Variants in CEBPA observed in about 807,000 individuals in gnomAD.
The protein encoded by CEBPA is CCAAT/enhancer-binding protein alpha.
CEBPA carries 2 observed loss-of-function variants against 5.1 expected under a neutral mutation model. The observed-to-expected ratio is 0.39, with a 90% CI of 0.16 to 1.23. The LOEUF (loss-of-function observed/expected upper bound fraction) is 1.23, where lower values mean the gene tolerates loss of function less well. Ranked by LOEUF, CEBPA falls within the 50% of genes most tolerant of loss-of-function variation. The pLI, the probability that CEBPA is intolerant of heterozygous loss-of-function variation, is 0.34. For synonymous variants in CEBPA, 275 were observed against 264.1 expected (o/e 1.04, Z -0.40); for missense variants, 455 against 537.4 (o/e 0.85, Z 1.52).
In CEBPA at chr19:33,301,584, C is replaced by A. The variant is rs764419883; in HGVS notation, c.831G>T (p.Ser277=). 1.2e-6 allele frequency: 2 copies of A among 1,610,536 alleles called. No homozygotes were observed. The highest frequency in any genetic ancestry group is 1.7e-5 in the Admixed American group (1 of 59,844). ...GGTACTCGTTGCTGTTCTTGTCCAC[C>A]GACTTCTTGGCCTTGCCCGCGCCGC... ...GGSGAGKAKK[S]VDKNSNEYRV... Residue 277 remains serine (S), a synonymous_variant, in exon 1 of 1, where the codon TCG becomes TCT. Coordinates refer to ENST00000498907, the MANE Select transcript of CEBPA (RefSeq NM_004364.5). This position sits in a 1 kb window ranked among gnomAD's most constrained non-coding sequence, Gnocchi z 6.0.
At position 33,301,533 on chromosome 19, in the gene CEBPA, G is replaced by A. The variant is rs376093748; in HGVS notation, c.882C>T (p.Ile294=). 37 of 1,613,334 alleles carry A rather than the reference G, an allele frequency of 2.3e-5. No homozygotes were observed. Among genetic ancestry groups the A allele is most frequent in the Non-Finnish European group, 2.8e-5 (33 of 1,179,852 alleles). The change falls in exon 1 of 1, where the codon ATC becomes ATT. Residue 294 remains isoleucine, a synonymous_variant. Coordinates refer to ENST00000498907, the MANE Select transcript of CEBPA (RefSeq NM_004364.5). The surrounding 1 kb of genome is among the most constrained non-coding windows in gnomAD (Gnocchi z 6.0). ...EYRVRRERNN[I]AVRKSRDKAK... is the part of the protein sequence containing the mutation. The stretch of plus-strand genomic sequence containing the variant: ...CCTTGTCGCGGCTCTTGCGCACCGC[G>A]ATGTTGTTGCGCTCGCGCCGCACCC...
In CEBPA at chr19:33,301,445, G is replaced by A. The variant is rs2145258597; in HGVS notation, c.970C>T (p.Leu324=). ...CTCAGCTGTTCCACCCGCTTGCGCA[G>A]GCGGTCATTGTCACTGGTCAGCTCC... ...VLELTSDNDR[L]RKRVEQLSRE... is the part of the protein sequence containing the mutation. Residue 324 remains leucine, a synonymous_variant, in exon 1 of 1, where the codon CTG becomes TTG. Coordinates refer to ENST00000498907, the MANE Select transcript of CEBPA (RefSeq NM_004364.5). The surrounding 1 kb of genome is among the most constrained non-coding windows in gnomAD (Gnocchi z 6.0). The A allele has an allele frequency of 1.9e-6, 3 of 1,612,896 alleles. No individual in the cohort carries two copies. Among genetic ancestry groups the A allele is most frequent in the African/African-American group, 2.7e-5 (2 of 75,064 alleles).
Position 33,301,821 on chromosome 19 carries a change from G to GGGCGGC in CEBPA, c.588_593dup (p.Pro197_Pro198dup). 1 of 1,239,382 alleles carries GGGCGGC rather than the reference G, an allele frequency of 8.1e-7. No individual in the cohort carries two copies. Among genetic ancestry groups the GGGCGGC allele is most frequent in the Non-Finnish European group, 1.0e-6 (1 of 988,948 alleles). The allele number at this position is 1,239,382 out of a possible 1,614,324, so 76.8% of individuals were successfully genotyped here. Reference sequence around the variant, plus strand: ...GCAGGTGCGGGGCGGCCAGGTGCGCGGGCGGCGGGTGCGGGTGCGGGTGCG... The same window carrying GGGCGGC: ...GCAGGTGCGGGGCGGCCAGGTGCGCGGGCGGCGGCGGCGGGTGCGGGTGCGGGTGCG... On this transcript the variant is annotated inframe_insertion, in exon 1 of 1. Transcript: ENST00000498907. This position sits in a 1 kb window ranked among gnomAD's most constrained non-coding sequence, Gnocchi z 6.0.
chr19:33,300,260 TCA>T lies in CEBPA; in HGVS notation c.*1076_*1077del, dbSNP rs1967119937. The T allele has an allele frequency of 2.1e-5, 5 of 233,652 alleles. No individual in the cohort carries two copies. Among genetic ancestry groups the T allele is most frequent in the Middle Eastern group, 1.2e-3 (1 of 808 alleles). The allele number at this position is 233,652 out of a possible 1,614,324, so 14.5% of individuals were successfully genotyped here. On this transcript the variant is annotated 3_prime_UTR_variant, in exon 1 of 1. Coordinates refer to ENST00000498907, the MANE Select transcript of CEBPA (RefSeq NM_004364.5). ...TTCCCCCAGCTGCCGACGGAGAGTC[TCA>T]TTTTGGCAAGTATCCGAGCAAAACC...
Position 33,301,661 on chromosome 19 carries a change from C to A in CEBPA, c.754G>T (p.Ala252Ser), listed in dbSNP as rs1049967. ...TGCGCGGCGCCCAGCCCCTTGAGCG[C>A]GCTGCCAGGGCCCGGCAGGCCGGCG... ...GAAGLPGPGS[A>S]LKGLGAAHPD... is the part of the protein sequence containing the mutation. The change falls in exon 1 of 1, where the codon GCG (alanine) becomes TCG (serine). Residue 252 changes from alanine (A) to serine (S), a missense_variant. Ala to Ser is a moderately conservative substitution (Grantham distance 99). Coordinates refer to ENST00000498907, the MANE Select transcript of CEBPA (RefSeq NM_004364.5). The surrounding 1 kb of genome is among the most constrained non-coding windows in gnomAD (Gnocchi z 6.0). 4.1e-6 allele frequency: 6 copies of A among 1,480,526 alleles called. No individual in the cohort carries two copies. The highest frequency in any genetic ancestry group is 5.4e-6 in the Non-Finnish European group (6 of 1,118,112). The allele number at this position is 1,480,526 out of a possible 1,614,324, so 91.7% of individuals were successfully genotyped here. A position where few individuals can be genotyped will look rare whatever the true frequency, so the allele number is the denominator to read the frequency against.
In CEBPA at chr19:33,302,052, G is replaced by A. The variant is rs1042672907; in HGVS notation, c.363C>T (p.Pro121=). 13 of 1,209,316 alleles carry A rather than the reference G, an allele frequency of 1.1e-5. No homozygotes were observed. In the African/African-American group the frequency reaches 1.8e-4, roughly 16 times the overall value. 74.9% of individuals were successfully genotyped at this position (1,209,316 alleles called of 1,614,324 possible). A position where few individuals can be genotyped will look rare whatever the true frequency, so the allele number is the denominator to read the frequency against. ...APAGPGGAVM[P]GGAHGPPPGY... The stretch of plus-strand genomic sequence containing the variant: ...CGGGCGGGGGCCCGTGCGCTCCCCC[G>A]GGCATGACGGCGCCGCCGGGGCCCG... Residue 121 remains proline (P), a synonymous_variant, in exon 1 of 1, where the codon CCC becomes CCT. Coordinates refer to ENST00000498907, the MANE Select transcript of CEBPA (RefSeq NM_004364.5).
rs116528776 is a variant in CEBPA, at chr19:33,300,211, A to C, written c.*1127T>G. On this transcript the variant is annotated 3_prime_UTR_variant, in exon 1 of 1. Coordinates refer to ENST00000498907, the MANE Select transcript of CEBPA (RefSeq NM_004364.5). ...CAGGATCAAAAGTAATCCCAAAACC[A>C]AAAGGAAAGGGAGTCTCAGACCCTT... 208 of 233,620 alleles carry C rather than the reference A, an allele frequency of 8.9e-4. 1 individual carries two copies. The highest frequency in any genetic ancestry group is 4.1e-3 in the African/African-American group (188 of 45,476). 14.5% of individuals were successfully genotyped at this position (233,620 alleles called of 1,614,324 possible). A position where few individuals can be genotyped will look rare whatever the true frequency, so the allele number is the denominator to read the frequency against.
rs141430731 is a variant in CEBPA, at chr19:33,301,374, C to T, written c.1041G>A (p.Glu347=). The change falls in exon 1 of 1, where the codon GAG becomes GAA. Residue 347 remains glutamate (E), a synonymous_variant. Transcript: ENST00000498907. The surrounding 1 kb of genome is among the most constrained non-coding windows in gnomAD (Gnocchi z 6.0). ...TLRGIFRQLP[E]SSLVKAMGNC... is the part of the protein sequence containing the mutation. ...TGCCCATGGCCTTGACCAAGGAGCT[C>T]TCTGGCAGCTGGCGGAAGATGCCCC... The T allele has an allele frequency of 1.4e-3, 2,246 of 1,607,270 alleles. 23 individuals carry two copies. The African/African-American group carries it at 0.025, about 18-fold the overall frequency.
rs1459726556 is a variant in CEBPA, at chr19:33,301,260, C to T, written c.*78G>A. The T allele has an allele frequency of 4.0e-6, 6 of 1,493,422 alleles. No individual in the cohort carries two copies. The highest frequency in any genetic ancestry group is 1.4e-5 in the African/African-American group (1 of 72,068). The allele number at this position is 1,493,422 out of a possible 1,614,324, so 92.5% of individuals were successfully genotyped here. On this transcript the variant is annotated 3_prime_UTR_variant, in exon 1 of 1. Transcript: ENST00000498907. The surrounding 1 kb of genome is among the most constrained non-coding windows in gnomAD (Gnocchi z 6.0). ...CCTGGCTCGCACGGCTCGGGCAAGC[C>T]TCGAGATCCGGCGACCCCAAACCAC...
Position 33,300,457 on chromosome 19 carries a change from C to T in CEBPA, c.*881G>A, listed in dbSNP as rs967287145. 3.0e-5 allele frequency: 7 copies of T among 233,660 alleles called. No individual in the cohort carries two copies. The highest frequency in any genetic ancestry group is 8.5e-6 in the Non-Finnish European group (1 of 118,060). The allele number at this position is 233,660 out of a possible 1,614,324, so 14.5% of individuals were successfully genotyped here. A position where few individuals can be genotyped will look rare whatever the true frequency, so the allele number is the denominator to read the frequency against. ...TCCGGTCCCTCTGGGATGGACTGAT[C>T]GTGCTTCGTGTTCCTAGGCAATGCT... On this transcript the variant is annotated 3_prime_UTR_variant, in exon 1 of 1. Transcript: ENST00000498907.
chr19:33,301,330 C>T lies in CEBPA; in HGVS notation c.*8G>A. On this transcript the variant is annotated 3_prime_UTR_variant, in exon 1 of 1. Coordinates refer to ENST00000498907, the MANE Select transcript of CEBPA (RefSeq NM_004364.5). This position sits in a 1 kb window ranked among gnomAD's most constrained non-coding sequence, Gnocchi z 6.0. ...GGCTGGCCCAGGGCGGTCCCACAGCCGCGCGCCTCACGCGCAGTTGCCCAT... is the reference window on the plus strand; with the variant it reads ...GGCTGGCCCAGGGCGGTCCCACAGCTGCGCGCCTCACGCGCAGTTGCCCAT... 1.9e-6 allele frequency: 3 copies of T among 1,585,664 alleles called. No individual in the cohort carries two copies. In the South Asian group the frequency reaches 3.4e-5, roughly 18 times the overall value.
In CEBPA at chr19:33,301,216, G is replaced by A. The variant is rs1029714829; in HGVS notation, c.*122C>T. Reference sequence around the variant, plus strand: ...CGCGGAGCAGGCCAGGCTTTCAGGAGGCACCGGAATCTCCTAGTCCTGGCT... The same window carrying A: ...CGCGGAGCAGGCCAGGCTTTCAGGAAGCACCGGAATCTCCTAGTCCTGGCT... On this transcript the variant is annotated 3_prime_UTR_variant, in exon 1 of 1. Transcript: ENST00000498907. The surrounding 1 kb of genome is among the most constrained non-coding windows in gnomAD (Gnocchi z 6.0). 8 of 1,426,250 alleles carry A rather than the reference G, an allele frequency of 5.6e-6. No individual in the cohort carries two copies. The highest frequency in any genetic ancestry group is 4.6e-6 in the Non-Finnish European group (5 of 1,085,156). 88.3% of individuals were successfully genotyped at this position (1,426,250 alleles called of 1,614,324 possible).
At position 33,301,255 on chromosome 19, in the gene CEBPA, C is replaced by T; in HGVS notation, c.*83G>A. On this transcript the variant is annotated 3_prime_UTR_variant, in exon 1 of 1. Coordinates refer to ENST00000498907, the MANE Select transcript of CEBPA (RefSeq NM_004364.5). This position sits in a 1 kb window ranked among gnomAD's most constrained non-coding sequence, Gnocchi z 6.0. Reference sequence around the variant, plus strand: ...CTAGTCCTGGCTCGCACGGCTCGGGCAAGCCTCGAGATCCGGCGACCCCAA... The same window carrying T: ...CTAGTCCTGGCTCGCACGGCTCGGGTAAGCCTCGAGATCCGGCGACCCCAA... 5 of 1,487,962 alleles carry T rather than the reference C, an allele frequency of 3.4e-6. No homozygotes were observed. In the South Asian group the frequency reaches 6.6e-5, roughly 20 times the overall value. 92.2% of individuals were successfully genotyped at this position (1,487,962 alleles called of 1,614,324 possible).
rs986682061 is a variant in CEBPA at position 33,301,964 on chromosome 19, C to A, written c.451G>T (p.Gly151Trp). ...GRLEPLYERV[G>W]APALRPLVIK... ...ACCAGCGGCCGCAGCGCCGGCGCCC[C>A]GACGCGCTCGTACAGGGGCTCCAGC... Residue 151 changes from glycine (G) to tryptophan (W), a missense_variant, in exon 1 of 1, where the codon GGG (glycine) becomes TGG (tryptophan). This residue lies in a region of CEBPA where 141 missense variants were observed against 124.1 expected (regional missense o/e 1.14). Transcript: ENST00000498907. The surrounding 1 kb of genome is among the most constrained non-coding windows in gnomAD (Gnocchi z 6.0). 1.6e-6 allele frequency: 2 copies of A among 1,246,252 alleles called. No homozygotes were observed. Among genetic ancestry groups the A allele is most frequent in the East Asian group, 3.5e-5 (1 of 28,584 alleles). The allele number at this position is 1,246,252 out of a possible 1,614,324, so 77.2% of individuals were successfully genotyped here.
At position 33,301,965 on chromosome 19, in the gene CEBPA, G is replaced by T. The variant is rs2145262031; in HGVS notation, c.450C>A (p.Val150=). 2 of 1,245,438 alleles carry T rather than the reference G, an allele frequency of 1.6e-6. No individual in the cohort carries two copies. Among genetic ancestry groups the T allele is most frequent in the Non-Finnish European group, 1.0e-6 (1 of 992,684 alleles). The allele number at this position is 1,245,438 out of a possible 1,614,324, so 77.1% of individuals were successfully genotyped here. The change falls in exon 1 of 1, where the codon GTC becomes GTA. Residue 150 remains valine, a synonymous_variant. Coordinates refer to ENST00000498907, the MANE Select transcript of CEBPA (RefSeq NM_004364.5). This position sits in a 1 kb window ranked among gnomAD's most constrained non-coding sequence, Gnocchi z 6.0. ...DGRLEPLYER[V]GAPALRPLVI... The stretch of plus-strand genomic sequence containing the variant: ...CCAGCGGCCGCAGCGCCGGCGCCCC[G>T]ACGCGCTCGTACAGGGGCTCCAGCC...
chr19:33,301,925 G>GCTC lies in CEBPA; in HGVS notation c.487_489dup (p.Glu163dup). The GCTC allele has an allele frequency of 1.5e-6, 2 of 1,290,418 alleles. No homozygotes were observed. Among genetic ancestry groups the GCTC allele is most frequent in the Non-Finnish European group, 2.0e-6 (2 of 1,013,678 alleles). The allele number at this position is 1,290,418 out of a possible 1,614,324, so 79.9% of individuals were successfully genotyped here. On this transcript the variant is annotated inframe_insertion, in exon 1 of 1. Transcript: ENST00000498907. This position sits in a 1 kb window ranked among gnomAD's most constrained non-coding sequence, Gnocchi z 6.0. ...TGCTTGGCTTCATCCTCCTCGCGGG[G>GCTC]CTCCTGCTTGATCACCAGCGGCCGC...
Position 33,301,455 on chromosome 19 carries a change from G to A in CEBPA, c.960C>T (p.Asp320=), listed in dbSNP as rs746447033. The A allele has an allele frequency of 3.1e-6, 5 of 1,613,148 alleles. No individual in the cohort carries two copies. The highest frequency in any genetic ancestry group is 2.5e-6 in the Non-Finnish European group (3 of 1,179,840). The change falls in exon 1 of 1, where the codon GAC becomes GAT. Residue 320 remains aspartate (D), a synonymous_variant. Transcript: ENST00000498907. This position sits in a 1 kb window ranked among gnomAD's most constrained non-coding sequence, Gnocchi z 6.0. The part of the protein sequence containing the change: ...TQQKVLELTS[D]NDRLRKRVEQ... ...CCACCCGCTTGCGCAGGCGGTCATTGTCACTGGTCAGCTCCAGCACCTTCT... is the reference window on the plus strand; with the variant it reads ...CCACCCGCTTGCGCAGGCGGTCATTATCACTGGTCAGCTCCAGCACCTTCT...
In CEBPA at chr19:33,302,064, G is replaced by A. The variant is rs2145262763; in HGVS notation, c.351C>T (p.Gly117=). The A allele has an allele frequency of 8.2e-7, 1 of 1,218,974 alleles. No homozygotes were observed. Among genetic ancestry groups the A allele is most frequent in the South Asian group, 3.9e-5 (1 of 25,930 alleles). 75.5% of individuals were successfully genotyped at this position (1,218,974 alleles called of 1,614,324 possible). ...CGTGCGCTCCCCCGGGCATGACGGC[G>A]CCGCCGGGGCCCGCGGGCGCGCCCG... ...DYPGAPAGPG[G]AVMPGGAHGP... Residue 117 remains glycine, a synonymous_variant, in exon 1 of 1, where the codon GGC becomes GGT. Coordinates refer to ENST00000498907, the MANE Select transcript of CEBPA (RefSeq NM_004364.5).
chr19:33,302,099 A>AGTCGCC lies in CEBPA; in HGVS notation c.310_315dup (p.Gly104_Asp105dup), dbSNP rs1420856782. On this transcript the variant is annotated inframe_insertion, in exon 1 of 1. Transcript: ENST00000498907. ...CCCGCGGGCGCGCCCGGGTAGTCAA[A>AGTCGCC]GTCGCCGCCGCCGCCGCCGCCCGTG... The AGTCGCC allele has an allele frequency of 1.5e-6, 2 of 1,325,046 alleles. No homozygotes were observed. The highest frequency in any genetic ancestry group is 4.3e-5 in the South Asian group (2 of 46,134). The allele number at this position is 1,325,046 out of a possible 1,614,324, so 82.1% of individuals were successfully genotyped here.
Sources: gnomAD v4.1 joint callset for allele counts on GRCh38, gnomAD v4.1.1 for gene constraint, gnomAD v4.1.1 regional missense constraint, Gnocchi (gnomAD v3.1) non-coding constraint, MANE v1.5 for transcripts, NCBI Gene and HGNC (gene_info 2026-07-23, HGNC 2026-07-21) for gene names.